The following DGKB variants were observed in gnomAD, a reference collection of about 807,000 sequenced individuals.
DGKB encodes the protein diacylglycerol kinase beta.
A neutral mutation model predicts 114.3 loss-of-function variants in DGKB; 67 were observed. The ratio of observed to expected loss-of-function variants is 0.59; its 90% confidence interval spans 0.48 to 0.72. DGKB has a LOEUF of 0.72. Among genes scored for constraint, DGKB ranks in the 30% least tolerant of loss-of-function variants. The pLI is 0.00. For synonymous variants in DGKB, 398 were observed against 323.1 expected, an observed-to-expected ratio of 1.23 and a Z score of -2.49; for missense variants, 907 against 975.2, an observed-to-expected ratio of 0.93 and a Z score of 0.93.
chr7:14,304,046 A>C (rs1202955172), intron 23 of DGKB, among the ~76,000 whole-genome samples: 7 of 112,736 alleles, frequency 6.2e-5, no homozygotes, highest in South Asian at 3.8e-4. Context: ...GTTCTTATAG[A>C]ACACACACAC....
intron 23 of DGKB, among the ~76,000 whole-genome samples, chr7:14,334,238 T>C (rs116053873): frequency 0.016 from 2,465 of 152,262 alleles, 62 homozygotes; most frequent in African/African-American, 0.057. Context: ...TTGCACAATA[T>C]TGTGGCCCAT....
chr7:14,802,081 C>T (rs1352206776), intron 2 of DGKB, among the ~76,000 whole-genome samples: 2 of 151,922 alleles, frequency 1.3e-5, no homozygotes, highest in African/African-American at 2.4e-5. Context: ...TGTAATATTA[C>T]GATTGCTGTC....
chr7:14,211,352 T>C lies in DGKB; in HGVS notation c.2123-33201A>G, dbSNP rs200335858. Among the ~76,000 whole-genome samples the C allele has an allele frequency of 1.2e-3, 138 of 112,688 alleles. 4 individuals are homozygous for C. Among genetic ancestry groups the C allele is most frequent in the Admixed American group, 8.5e-3 (91 of 10,704 alleles). The allele number at this position is 112,688 out of a possible 152,430, so 73.9% of individuals were successfully genotyped here. Reference sequence around the variant, plus strand: ...CATGTTTTGTGATTTTACTCTCATGTTTTGTGATATTTACTCTCGTGTTTT... The same window carrying C: ...CATGTTTTGTGATTTTACTCTCATGCTTTGTGATATTTACTCTCGTGTTTT... On this transcript the variant is annotated intron_variant, in intron 23 of 25. Coordinates refer to ENST00000402815, the MANE Select transcript of DGKB (RefSeq NM_001350709.2).
chr7:14,300,082 T>TA (rs1470162046), intron 23 of DGKB, among the ~76,000 whole-genome samples: 1 of 152,086 alleles, frequency 6.6e-6, no homozygotes, highest in Non-Finnish European at 1.5e-5. Flanking sequence ...TTCTGAAAGA[T>TA]ATCTACCAAA....
chr7:14,274,194 G>T (rs953640374), intron 23 of DGKB, among the ~76,000 whole-genome samples: 5 of 152,278 alleles, frequency 3.3e-5, no homozygotes, highest in Non-Finnish European at 5.9e-5. Flanking sequence ...GAATGTGACA[G>T]CCCCATGATC....
At chr7:14,261,804 C>T (rs1239424646) in intron 23 of DGKB, among the ~76,000 whole-genome samples, 1 of 152,026 alleles carries the variant, frequency 6.6e-6, no homozygotes, top group Admixed American at 6.6e-5. Context: ...ATCTGTCAGC[C>T]TGATTCTTTT....
intron 20 of DGKB, among the ~76,000 whole-genome samples, chr7:14,567,276 T>C (rs1797607618): frequency 1.9e-5 from 1 of 52,932 alleles, no homozygotes; most frequent in Non-Finnish European, 3.1e-5. Flanking sequence ...TATATATAAT[T>C]ATATTATATA....
chr7:14,453,094 A>T (rs115961428), intron 21 of DGKB, among the ~76,000 whole-genome samples: 1 of 152,120 alleles, frequency 6.6e-6, no homozygotes, highest in Non-Finnish European at 1.5e-5. Flanking sequence ...CACTGTTCTT[A>T]GTGCTTTAGA....
At chr7:14,772,291 A>G (rs1238090690) in intron 2 of DGKB, among the ~76,000 whole-genome samples, 2 of 152,182 alleles carry the variant, frequency 1.3e-5, no homozygotes, top group East Asian at 3.9e-4. Flanking sequence ...GACAGCAAGT[A>G]GGTACTCAAA....
chr7:14,700,288 A>G (rs1824921097), intron 7 of DGKB, among the ~76,000 whole-genome samples: 1 of 147,750 alleles, frequency 6.8e-6, no homozygotes, highest in African/African-American at 2.5e-5. Context: ...ATCTCGGCTC[A>G]CTGCAACCTC....
At chr7:14,804,690 T>G (rs534928379) in intron 2 of DGKB, among the ~76,000 whole-genome samples, 1 of 152,222 alleles carries the variant, frequency 6.6e-6, no homozygotes, top group East Asian at 1.9e-4. Context: ...CTGTTAACTG[T>G]TCCTTTGTTA....
intron 21 of DGKB, among the ~76,000 whole-genome samples, chr7:14,472,833 T>G (rs887704815): frequency 1.3e-5 from 2 of 152,152 alleles, no homozygotes; most frequent in African/African-American, 4.8e-5. Flanking sequence ...ACTTTGTCCC[T>G]GCCCTAGAGA....
intron 20 of DGKB, among the ~76,000 whole-genome samples, chr7:14,501,235 AG>A (rs2128954810): frequency 6.6e-6 from 1 of 152,018 alleles, no homozygotes; most frequent in African/African-American, 2.4e-5. Context: ...CTGCCCAGGA[AG>A]GCTTCTAGAA....
chr7:14,641,116 T>G (rs555553974), intron 13 of DGKB, among the ~76,000 whole-genome samples: 3 of 152,164 alleles, frequency 2.0e-5, no homozygotes, highest in African/African-American at 7.2e-5. Context: ...TTAATGAGAA[T>G]AGCAAATTTT....
chr7:14,221,011 G>T (rs972164409), intron 23 of DGKB, among the ~76,000 whole-genome samples: 3 of 150,686 alleles, frequency 2.0e-5, no homozygotes, highest in African/African-American at 7.3e-5. Context: ...CCTACCTATT[G>T]ATCTTGTGAC....
chr7:14,618,081 G>C (rs1013542141), intron 15 of DGKB, among the ~76,000 whole-genome samples: 2 of 151,096 alleles, frequency 1.3e-5, no homozygotes, highest in African/African-American at 4.9e-5. Context: ...GTATGAAACA[G>C]TCAACAGGGT....
intron 2 of DGKB, among the ~76,000 whole-genome samples, chr7:14,767,781 T>C (rs1283303709): frequency 6.6e-6 from 1 of 151,946 alleles, no homozygotes. Flanking sequence ...AAGTATGAGT[T>C]ACATTTTTGA....
intron 1 of DGKB, among the ~76,000 whole-genome samples, chr7:14,874,076 A>G (rs1852889365): frequency 6.6e-6 from 1 of 152,104 alleles, no homozygotes; most frequent in African/African-American, 2.4e-5. Context: ...TATCAAACAA[A>G]GGTTGAGTTT....
At chr7:14,287,334 G>T (rs17168042) in intron 23 of DGKB, among the ~76,000 whole-genome samples, 5,096 of 152,130 alleles carry the variant, frequency 0.033, 179 homozygotes, top group African/African-American at 0.087. Flanking sequence ...ACATTTCAGT[G>T]TATCTCTTCT....
Sources: gnomAD v4.1 joint callset for allele counts (sites outside exome capture counted in the v4.1 genomes callset) on GRCh38, gnomAD v4.1.1 for gene constraint, MANE v1.5 for transcripts, NCBI Gene and HGNC (gene_info 2026-07-23, HGNC 2026-07-21) for gene names.